The following CDK14 variants were observed in gnomAD, a reference collection of about 807,000 sequenced individuals.
The protein encoded by CDK14 is cyclin dependent kinase 14.
In CDK14, 34 loss-of-function variants were observed where a neutral mutation model predicts 60.7. That is an observed-to-expected ratio of 0.56 (90% CI 0.43 to 0.75). The LOEUF is 0.75. Ranked by LOEUF, CDK14 falls within the 30% of genes least tolerant of loss-of-function variation. The probability of loss-of-function intolerance (pLI) is 0.00; values close to 1 mark genes in which losing one functional copy is unlikely to be tolerated. For missense variants in CDK14, 482 were observed against 564.1 expected (o/e 0.85, Z 1.47); for synonymous variants, 197 against 203.7 (o/e 0.97, Z 0.28).
intron 14 of CDK14, among the ~76,000 whole-genome samples, chr7:91,149,754 C>T (rs553128395): frequency 6.8e-4 from 104 of 152,326 alleles, no homozygotes; most frequent in African/African-American, 2.4e-3. Context: ...ACTAATTTCA[C>T]TGTACAGAAT....
intron 1 of CDK14, among the ~76,000 whole-genome samples, chr7:90,599,676 T>G (rs1799272668): frequency 6.6e-6 from 1 of 152,218 alleles, no homozygotes; most frequent in Admixed American, 6.5e-5. Context: ...AGTGAATGGT[T>G]TATTCTTGTT....
intron 2 of CDK14, among the ~76,000 whole-genome samples, chr7:90,628,991 G>C (rs1584752028): frequency 6.6e-6 from 1 of 151,890 alleles, no homozygotes; most frequent in East Asian, 1.9e-4. Context: ...ATAGCAAAAT[G>C]CTGCTGTCTT....
chr7:90,763,842 A>G (rs1019901093), intron 4 of CDK14, among the ~76,000 whole-genome samples: 1 of 152,120 alleles, frequency 6.6e-6, no homozygotes, highest in Non-Finnish European at 1.5e-5. Flanking sequence ...TTTAGTATAA[A>G]TGGCTTTGTA....
chr7:91,104,775 G>A (rs950763919), intron 12 of CDK14, among the ~76,000 whole-genome samples: 3 of 152,292 alleles, frequency 2.0e-5, no homozygotes, highest in Middle Eastern at 3.4e-3. Context: ...AAAAATGTCA[G>A]CCTGAATCAA....
At chr7:90,781,182 T>C (rs969317504) in intron 4 of CDK14, among the ~76,000 whole-genome samples, 34 of 152,252 alleles carry the variant, frequency 2.2e-4, no homozygotes, top group Non-Finnish European at 3.8e-4. Flanking sequence ...GTGAGCATTT[T>C]TTCATGTGTT....
intron 14 of CDK14, among the ~76,000 whole-genome samples, chr7:91,195,881 C>T (rs1802520845): frequency 6.6e-6 from 1 of 152,226 alleles, no homozygotes; most frequent in Non-Finnish European, 1.5e-5. Flanking sequence ...CTCCACCACC[C>T]TCACCTACCT....
chr7:91,005,293 A>G (rs898356416), intron 10 of CDK14, among the ~76,000 whole-genome samples: 1 of 152,256 alleles, frequency 6.6e-6, no homozygotes, highest in Admixed American at 6.5e-5. Flanking sequence ...TGGTGGGTGC[A>G]CTGCTGGGAA....
At chr7:91,136,699 T>C (rs1369774772) in intron 14 of CDK14, among the ~76,000 whole-genome samples, 1 of 152,204 alleles carries the variant, frequency 6.6e-6, no homozygotes, top group African/African-American at 2.4e-5. Flanking sequence ...GCTTGAGGTT[T>C]TCTGAATTAA....
chr7:90,909,732 C>A (rs1331279390), intron 7 of CDK14, among the ~76,000 whole-genome samples: 2 of 152,138 alleles, frequency 1.3e-5, no homozygotes, highest in African/African-American at 2.4e-5. Context: ...ATTTCCCCAG[C>A]AGCTTGCCCA....
At chr7:90,690,145 C>T (rs1370908751) in intron 2 of CDK14, among the ~76,000 whole-genome samples, 1 of 152,060 alleles carries the variant, frequency 6.6e-6, no homozygotes, top group Non-Finnish European at 1.5e-5. Context: ...AAGTAGTATA[C>T]CATCAAAAAT....
chr7:91,104,707 C>T (rs1656991664), intron 12 of CDK14, among the ~76,000 whole-genome samples: 2 of 152,106 alleles, frequency 1.3e-5, no homozygotes, highest in South Asian at 4.1e-4. Context: ...TATAAGAGGC[C>T]TCTTGCCTCT....
At chr7:90,996,110 T>C (rs1045264433) in intron 10 of CDK14, among the ~76,000 whole-genome samples, 1 of 152,202 alleles carries the variant, frequency 6.6e-6, no homozygotes, top group Non-Finnish European at 1.5e-5. Flanking sequence ...CCCTCCCTTA[T>C]AATGAGGATA....
chr7:91,021,658 C>T (rs1215393141), intron 10 of CDK14, among the ~76,000 whole-genome samples: 7 of 152,196 alleles, frequency 4.6e-5, no homozygotes, highest in Non-Finnish European at 1.0e-4. Flanking sequence ...ATTCATTCCT[C>T]TTTTATTTTG....
chr7:90,947,025 A>AC (rs1386758740), intron 8 of CDK14, among the ~76,000 whole-genome samples: 1 of 152,064 alleles, frequency 6.6e-6, no homozygotes, highest in Non-Finnish European at 1.5e-5. Flanking sequence ...CAGCAACCAG[A>AC]CCCTAGCTTG....
intron 14 of CDK14, among the ~76,000 whole-genome samples, chr7:91,171,637 A>G (rs1353633637): frequency 1.3e-5 from 2 of 152,046 alleles, no homozygotes; most frequent in Non-Finnish European, 2.9e-5. Context: ...TGGTTTATTT[A>G]GTGTTGTCTT....
chr7:90,794,723 A>G (rs1452724238), intron 5 of CDK14, among the ~76,000 whole-genome samples: 2 of 152,174 alleles, frequency 1.3e-5, no homozygotes, highest in Non-Finnish European at 2.9e-5. Context: ...CACAATCATC[A>G]CAGGGTCCTG....
intron 9 of CDK14, among the ~76,000 whole-genome samples, chr7:90,974,144 A>G (rs1795004425): frequency 6.6e-6 from 1 of 152,142 alleles, no homozygotes; most frequent in Non-Finnish European, 1.5e-5. Flanking sequence ...TCTCCTATTC[A>G]CATAACCATC....
At chr7:91,017,733 C>G (rs1458115352) in intron 10 of CDK14, among the ~76,000 whole-genome samples, 1 of 152,222 alleles carries the variant, frequency 6.6e-6, no homozygotes, top group African/African-American at 2.4e-5. Flanking sequence ...CTTCACATAA[C>G]TCTTTTAGGA....
At chr7:90,685,615 A>T (rs1228625382) in intron 2 of CDK14, among the ~76,000 whole-genome samples, 1 of 150,060 alleles carries the variant, frequency 6.7e-6, no homozygotes, top group Non-Finnish European at 1.5e-5. Flanking sequence ...ACTAGATAGG[A>T]CTACAAGTGC....
Sources: gnomAD v4.1 joint callset for allele counts (sites outside exome capture counted in the v4.1 genomes callset) on GRCh38, gnomAD v4.1.1 for gene constraint, MANE v1.5 for transcripts, NCBI Gene and HGNC (gene_info 2026-07-23, HGNC 2026-07-21) for gene names.